The following NPAS3 variants were observed in gnomAD, a reference collection of about 807,000 sequenced individuals.
NPAS3 encodes the protein neuronal PAS domain-containing protein 3.
Under a neutral mutation model 73.1 loss-of-function variants are expected in NPAS3, and 14 were observed. The observed-to-expected ratio is 0.19, with a 90% confidence interval of 0.13 to 0.30. NPAS3 has a LOEUF of 0.30. Ranked by LOEUF, NPAS3 falls within the 10% of genes least tolerant of loss-of-function variation. The pLI, the probability that NPAS3 is intolerant of heterozygous loss-of-function variation, is 1.00. For synonymous variants in NPAS3, 620 were observed against 541.5 expected (o/e 1.14, Z -2.01); for missense variants, 1,096 against 1,250.0 (o/e 0.88, Z 1.86).
At chr14:33,559,201 G>C (rs2055513121) in intron 4 of NPAS3, among the ~76,000 whole-genome samples, 1 of 152,010 alleles carries the variant, frequency 6.6e-6, no homozygotes, top group African/African-American at 2.4e-5. Flanking sequence ...AGTGGTGATA[G>C]AAACTAAAAC....
intron 5 of NPAS3, among the ~76,000 whole-genome samples, chr14:33,656,987 G>A (rs890063729): frequency 6.6e-6 from 1 of 152,184 alleles, no homozygotes; most frequent in African/African-American, 2.4e-5. Context: ...GGGTTCATCA[G>A]TAGATGAATG....
Position 33,774,867 on chromosome 14 carries a change from G to A in NPAS3, c.1046+337G>A, listed in dbSNP as rs112989734. On this transcript the variant is annotated intron_variant, in intron 8 of 11. Coordinates refer to ENST00000356141, the Ensembl canonical transcript of NPAS3. ...AAAATGTATTGCCTGATGCCTCATC[G>A]GGACCCACTTCTGCCTAATTCGAGG... is the stretch of plus-strand genomic sequence containing the variant. Among the ~76,000 whole-genome samples the A allele has an allele frequency of 8.5e-5, 13 of 152,202 alleles. No individual in the cohort carries two copies. The East Asian group carries it at 1.4e-3, about 16-fold the overall frequency.
chr14:33,237,700 AC>A (rs1255547696), intron 3 of NPAS3, among the ~76,000 whole-genome samples: 10 of 152,026 alleles, frequency 6.6e-5, no homozygotes, highest in Admixed American at 6.6e-4. Context: ...ATACATGCAT[AC>A]GTATATATCT....
At chr14:33,795,575 G>A (rs2063489003) in intron 10 of NPAS3, among the ~76,000 whole-genome samples, 1 of 152,156 alleles carries the variant, frequency 6.6e-6, no homozygotes, top group Non-Finnish European at 1.5e-5. Flanking sequence ...ATTAAACGCT[G>A]GAAACAGGCA....
At chr14:33,527,871 G>T (rs1056687166) in intron 4 of NPAS3, among the ~76,000 whole-genome samples, 1 of 152,028 alleles carries the variant, frequency 6.6e-6, no homozygotes, top group Non-Finnish European at 1.5e-5. Flanking sequence ...GCCAGAGGGT[G>T]GCAAAAATTT....
At chr14:33,020,862 G>T (rs113092804) in intron 1 of NPAS3, among the ~76,000 whole-genome samples, 25,837 of 151,974 alleles carry the variant, frequency 0.17, 2,352 homozygotes, top group Middle Eastern at 0.21. Flanking sequence ...CCGGGTTCAA[G>T]CGATTCTCCT....
At chr14:33,722,762 T>G (rs1358435485) in intron 6 of NPAS3, among the ~76,000 whole-genome samples, 1 of 152,184 alleles carries the variant, frequency 6.6e-6, no homozygotes, top group Non-Finnish European at 1.5e-5. Context: ...CTCTAAATTA[T>G]TACAAAGTAT....
intron 4 of NPAS3, among the ~76,000 whole-genome samples, chr14:33,401,759 G>C (rs771479698): frequency 6.6e-6 from 1 of 151,728 alleles, no homozygotes; most frequent in Admixed American, 6.6e-5. Flanking sequence ...CACTCTTAGC[G>C]TACACTAGCT....
intron 5 of NPAS3, among the ~76,000 whole-genome samples, chr14:33,577,396 T>G (rs1342290778): frequency 1.3e-5 from 2 of 152,190 alleles, no homozygotes; most frequent in Non-Finnish European, 2.9e-5. Flanking sequence ...TTGTTTTATC[T>G]TTAGCAGCCA....
chr14:33,354,995 A>G (rs760980307), intron 3 of NPAS3, among the ~76,000 whole-genome samples: 1 of 152,028 alleles, frequency 6.6e-6, no homozygotes, highest in Non-Finnish European at 1.5e-5. Context: ...CTGTGCTCTA[A>G]CTTTTCAGAT....
intron 3 of NPAS3, among the ~76,000 whole-genome samples, chr14:33,352,902 G>A (rs1315065633): frequency 6.6e-6 from 1 of 152,120 alleles, no homozygotes; most frequent in Non-Finnish European, 1.5e-5. Context: ...ATAAAAGTAA[G>A]TTAGTTCAAG....
At chr14:33,595,860 C>T (rs542840814) in intron 5 of NPAS3, among the ~76,000 whole-genome samples, 4 of 152,134 alleles carry the variant, frequency 2.6e-5, no homozygotes, top group South Asian at 2.1e-4. Context: ...TTAGTAGAGA[C>T]GGGGTTTCAC....
chr14:33,576,465 T>C (rs2056437081), intron 5 of NPAS3, among the ~76,000 whole-genome samples: 1 of 152,160 alleles, frequency 6.6e-6, no homozygotes, highest in South Asian at 2.1e-4. Context: ...CAGACAAGTG[T>C]ATCGACCAGT....
At chr14:33,283,413 T>G (rs1032791892) in intron 3 of NPAS3, among the ~76,000 whole-genome samples, 3 of 152,224 alleles carry the variant, frequency 2.0e-5, no homozygotes, top group Non-Finnish European at 4.4e-5. Context: ...TTATCCTTCT[T>G]TCTTTAACTT....
At chr14:33,544,871 AT>A (rs2054767057) in intron 4 of NPAS3, among the ~76,000 whole-genome samples, 1 of 135,286 alleles carries the variant, frequency 7.4e-6, no homozygotes, top group Non-Finnish European at 1.5e-5. Flanking sequence ...TAATATATAT[AT>A]GTATGTATGT....
intron 3 of NPAS3, among the ~76,000 whole-genome samples, chr14:33,220,034 G>T (rs918237180): frequency 4.6e-5 from 7 of 151,916 alleles, no homozygotes; most frequent in African/African-American, 1.7e-4. Context: ...TGAGATGAAA[G>T]TTCATAGAAT....
At chr14:32,935,286 C>A (rs1211067764), upstream of NPAS3, among the ~76,000 whole-genome samples, 4 of 152,200 alleles carry the variant, frequency 2.6e-5, no homozygotes, top group African/African-American at 9.6e-5. Context: ...AAGTCTGAGA[C>A]GCCGCACAAG....
At chr14:33,081,568 A>G (rs761899938) in intron 2 of NPAS3, among the ~76,000 whole-genome samples, 40 of 151,928 alleles carry the variant, frequency 2.6e-4, no homozygotes, top group Non-Finnish European at 4.1e-4. Context: ...AAGAATCATC[A>G]TTAGGCCTCC....
intron 1 of NPAS3, among the ~76,000 whole-genome samples, chr14:32,977,380 A>ACACACACACACACACC (rs1347224452): frequency 1.3e-5 from 2 of 150,814 alleles, no homozygotes; most frequent in African/African-American, 2.5e-5. Context: ...ACACACACAC[A>ACACACACACACACACC]CCCCTAATCT....
Sources: allele counts gnomAD v4.1 joint callset (sites outside exome capture counted in the v4.1 genomes callset), GRCh38; gene constraint gnomAD v4.1.1; transcripts MANE v1.5; gene names NCBI Gene and HGNC (gene_info 2026-07-23, HGNC 2026-07-21).